The following RBFOX1 variants were observed in gnomAD, a reference collection of about 807,000 sequenced individuals.
RBFOX1 encodes RNA binding fox-1 homolog 1.
In RBFOX1, 8 loss-of-function variants were observed where a neutral mutation model predicts 57.7. The observed-to-expected ratio is 0.14, with a 90% CI of 0.08 to 0.25. The LOEUF is 0.25. Ranked by LOEUF, RBFOX1 falls within the 10% of genes least tolerant of loss-of-function variation. RBFOX1 has a pLI of 1.00. For missense variants in RBFOX1, 611 were observed against 548.5 expected (o/e 1.11, Z -1.14); for synonymous variants, 326 against 222.4 (o/e 1.47, Z -4.15).
At chr16:5,727,150 C>G (rs1263087380) in intron 3 of RBFOX1, among the ~76,000 whole-genome samples, 1 of 152,012 alleles carries the variant, frequency 6.6e-6, no homozygotes, top group Non-Finnish European at 1.5e-5. Flanking sequence ...GCCTGTAATC[C>G]CAGTTACTCA....
intron 1 of RBFOX1, among the ~76,000 whole-genome samples, chr16:6,151,922 C>A (rs2096800598): frequency 1.3e-5 from 2 of 152,148 alleles, no homozygotes; most frequent in African/African-American, 4.8e-5. Flanking sequence ...ATAGAAGTTA[C>A]TTGCTTAAAA....
chr16:5,806,457 G>A (rs941396882), intron 3 of RBFOX1, among the ~76,000 whole-genome samples: 2 of 152,186 alleles, frequency 1.3e-5, no homozygotes, highest in Admixed American at 6.5e-5. Context: ...CTCCAGCCCT[G>A]TTACAAGGGA....
chr16:5,595,390 C>G (rs904059796), intron 2 of RBFOX1, among the ~76,000 whole-genome samples: 1 of 152,136 alleles, frequency 6.6e-6, no homozygotes, highest in Non-Finnish European at 1.5e-5. Context: ...AAGCTGTAAA[C>G]TGAGGCGCAA....
At chr16:6,827,735 A>G (rs947615169) in intron 3 of RBFOX1, among the ~76,000 whole-genome samples, 3 of 152,080 alleles carry the variant, frequency 2.0e-5, no homozygotes, top group African/African-American at 7.2e-5. Flanking sequence ...CTGATCCCCT[A>G]CATGGATCTC....
intron 2 of RBFOX1, among the ~76,000 whole-genome samples, chr16:6,383,632 G>T (rs1378544054): frequency 6.6e-6 from 1 of 152,032 alleles, no homozygotes; most frequent in East Asian, 1.9e-4. Context: ...AATTAGCCGC[G>T]TATGGTGTGT....
In RBFOX1 at chr16:6,197,237, A is replaced by T. The variant is rs544420536; in HGVS notation, c.-126-119758A>T. On this transcript the variant is annotated intron_variant, in intron 1 of 15. Coordinates refer to ENST00000550418, the MANE Select transcript of RBFOX1 (RefSeq NM_018723.4). Reference sequence around the variant, plus strand: ...GGTGGCCCCCAAGCATCTCTTGGTGACTCCCCAAACTGAGATTTCTAGTTC... The same window carrying T: ...GGTGGCCCCCAAGCATCTCTTGGTGTCTCCCCAAACTGAGATTTCTAGTTC... Among the ~76,000 whole-genome samples, 5 of 151,610 alleles carry T rather than the reference A, an allele frequency of 3.3e-5. No homozygotes were observed. In the East Asian group the frequency reaches 9.7e-4, roughly 29 times the overall value.
Position 7,713,064 on chromosome 16 carries a change from G to A in RBFOX1, c.*2319G>A, listed in dbSNP as rs2084231593. 2 of 152,150 alleles carry A rather than the reference G, an allele frequency of 1.3e-5. No homozygotes were observed. Among genetic ancestry groups the A allele is most frequent in the East Asian group, 3.8e-4 (2 of 5,200 alleles). 9.4% of individuals were successfully genotyped at this position (152,150 alleles called of 1,614,324 possible). On this transcript the variant is annotated 3_prime_UTR_variant, in exon 16 of 16. Coordinates refer to ENST00000550418, the MANE Select transcript of RBFOX1 (RefSeq NM_018723.4). ...GCCAATAAGTCATTTTAAAATGTAT[G>A]TCAGAGATGTAAACAAACATTTTGG...
chr16:6,903,783 T>C (rs2069071458), intron 3 of RBFOX1, among the ~76,000 whole-genome samples: 1 of 152,112 alleles, frequency 6.6e-6, no homozygotes, highest in Non-Finnish European at 1.5e-5. Flanking sequence ...CTTTCGGAGC[T>C]GCCGCTGCTT....
At chr16:6,336,132 T>C (rs1177799630) in intron 2 of RBFOX1, among the ~76,000 whole-genome samples, 1 of 132,450 alleles carries the variant, frequency 7.6e-6, no homozygotes, top group Non-Finnish European at 1.6e-5. Flanking sequence ...GTGATATATA[T>C]ATATTCATAT....
intron 2 of RBFOX1, among the ~76,000 whole-genome samples, chr16:6,603,329 T>G (rs941726095): frequency 2.0e-5 from 3 of 152,092 alleles, no homozygotes; most frequent in African/African-American, 7.2e-5. Context: ...GCAGTTGGAG[T>G]CTTGTATGAA....
intron 2 of RBFOX1, among the ~76,000 whole-genome samples, chr16:6,588,258 C>G (rs1260337560): frequency 8.6e-5 from 13 of 151,740 alleles, no homozygotes; most frequent in Admixed American, 6.6e-5. Context: ...GGCAGTTTTG[C>G]TATACAGCCA....
At chr16:6,825,570 G>C (rs758930673) in intron 3 of RBFOX1, among the ~76,000 whole-genome samples, 2 of 152,150 alleles carry the variant, frequency 1.3e-5, no homozygotes, top group Non-Finnish European at 2.9e-5. Context: ...CACGTGTGAA[G>C]CATTTTTGAG....
chr16:5,577,601 C>T (rs1056913569), intron 2 of RBFOX1, among the ~76,000 whole-genome samples: 1 of 152,196 alleles, frequency 6.6e-6, no homozygotes, highest in Non-Finnish European at 1.5e-5. Flanking sequence ...TATTCTGTTA[C>T]TACATGTTTG....
chr16:7,000,786 A>G (rs896150850), intron 3 of RBFOX1, among the ~76,000 whole-genome samples: 1 of 151,288 alleles, frequency 6.6e-6, no homozygotes, highest in African/African-American at 2.4e-5. Context: ...CTATATTTTT[A>G]GTAGAGACGG....
At chr16:5,853,310 A>G (rs11861919) in intron 3 of RBFOX1, among the ~76,000 whole-genome samples, 38 of 152,268 alleles carry the variant, frequency 2.5e-4, no homozygotes, top group African/African-American at 7.2e-4. Flanking sequence ...GAAATTATGG[A>G]AAGTCAGAAG....
At chr16:5,458,587 G>A (rs2068699189) in intron 1 of RBFOX1, among the ~76,000 whole-genome samples, 5 of 152,238 alleles carry the variant, frequency 3.3e-5, no homozygotes, top group African/African-American at 1.2e-4. Context: ...AGGCCTCACA[G>A]CCTAGACTGG....
intron 4 of RBFOX1, among the ~76,000 whole-genome samples, chr16:7,451,585 A>G (rs1030509472): frequency 6.6e-6 from 1 of 152,112 alleles, no homozygotes; most frequent in African/African-American, 2.4e-5. Flanking sequence ...ACTGGCTTCT[A>G]AATTCCTGGT....
At chr16:6,525,047 G>C (rs749934641) in intron 2 of RBFOX1, among the ~76,000 whole-genome samples, 1 of 152,178 alleles carries the variant, frequency 6.6e-6, no homozygotes, top group Admixed American at 6.5e-5. Flanking sequence ...AGTGGGAATA[G>C]GCTGGGTTAC....
At chr16:5,368,225 G>C (rs1300467808) in intron 1 of RBFOX1, among the ~76,000 whole-genome samples, 3 of 152,252 alleles carry the variant, frequency 2.0e-5, no homozygotes, top group Non-Finnish European at 4.4e-5. Context: ...AATCATTGGA[G>C]AAGCGTGAGG....
Sources: allele counts gnomAD v4.1 joint callset (sites outside exome capture counted in the v4.1 genomes callset), GRCh38; gene constraint gnomAD v4.1.1; transcripts MANE v1.5; gene names NCBI Gene and HGNC (gene_info 2026-07-23, HGNC 2026-07-21).